Variants in CDKN2B-AS1 observed in about 807,000 individuals in gnomAD.
CDKN2B-AS1 encodes the protein CDKN2B antisense RNA 1 (non-protein coding).
chr9:22,045,091 G>A (rs1264183834), intron 1 of CDKN2B-AS1, among the ~76,000 whole-genome samples: 1 of 139,330 alleles, frequency 7.2e-6, no homozygotes, highest in Admixed American at 7.0e-5. Flanking sequence ...CTTTTAATAT[G>A]TGGTCTCCCT....
intron 3 of CDKN2B-AS1, among the ~76,000 whole-genome samples, chr9:22,050,441 G>C (rs1823298118): frequency 6.6e-6 from 1 of 152,202 alleles, no homozygotes; most frequent in Admixed American, 6.5e-5. Context: ...CAGCTGAAAG[G>C]TAACCAAAGG....
intron 4 of CDKN2B-AS1, among the ~76,000 whole-genome samples, chr9:22,098,108 C>T (rs1182982169): frequency 6.6e-6 from 1 of 151,846 alleles, no homozygotes; most frequent in African/African-American, 2.4e-5. Flanking sequence ...CACCAGCACT[C>T]AGAACAGAAT....
At chr9:22,096,534 A>G (rs993114934) in intron 4 of CDKN2B-AS1, 1 of 152,232 alleles carries the variant, frequency 6.6e-6, no homozygotes, top group Non-Finnish European at 1.5e-5. Flanking sequence ...TGACTTTTCT[A>G]CAACTTAAAT....
chr9:22,011,093 G>A (rs1263704027), intron 1 of CDKN2B-AS1, among the ~76,000 whole-genome samples: 1 of 152,090 alleles, frequency 6.6e-6, no homozygotes, highest in Non-Finnish European at 1.5e-5. Context: ...GGGGGCATTC[G>A]CGCTTACTAG....
intron 4 of CDKN2B-AS1, among the ~76,000 whole-genome samples, chr9:22,086,548 A>T (rs1234856249): frequency 6.6e-6 from 1 of 152,230 alleles, no homozygotes; most frequent in Non-Finnish European, 1.5e-5. Context: ...AGAGTTCAAT[A>T]ATATTCTTTT....
chr9:22,061,624 A>T (rs1184699037), intron 4 of CDKN2B-AS1, among the ~76,000 whole-genome samples: 3 of 152,186 alleles, frequency 2.0e-5, no homozygotes, highest in Non-Finnish European at 4.4e-5. Flanking sequence ...TATGTTTAAA[A>T]GAGTAATCTA....
intron 4 of CDKN2B-AS1, among the ~76,000 whole-genome samples, chr9:22,126,606 C>G (rs1372976301): frequency 9.0e-6 from 1 of 111,626 alleles, no homozygotes; most frequent in African/African-American, 4.0e-5. Context: ...GAGACGGAGT[C>G]TCGCTCGCCC....
chr9:22,098,574 C>G (rs1320172801), intron 4 of CDKN2B-AS1, among the ~76,000 whole-genome samples: 1 of 152,148 alleles, frequency 6.6e-6, no homozygotes, highest in African/African-American at 2.4e-5. Flanking sequence ...CATTCTATAG[C>G]ACAGGATGTT....
At chr9:22,023,687 G>A (rs1474021117) in intron 1 of CDKN2B-AS1, among the ~76,000 whole-genome samples, 6 of 152,176 alleles carry the variant, frequency 3.9e-5, no homozygotes, top group African/African-American at 1.4e-4. Flanking sequence ...AGGTTGCAGT[G>A]AGCTGAGATC....
intron 4 of CDKN2B-AS1, among the ~76,000 whole-genome samples, chr9:22,105,017 C>CA (rs1297120837): frequency 1.3e-5 from 2 of 152,062 alleles, no homozygotes; most frequent in Non-Finnish European, 2.9e-5. Flanking sequence ...AAGGAGTCAA[C>CA]AAAAAAATAC....
At chr9:22,121,345 A>C (rs1251245607) in intron 4 of CDKN2B-AS1, among the ~76,000 whole-genome samples, 4 of 141,162 alleles carry the variant, frequency 2.8e-5, no homozygotes, top group African/African-American at 7.8e-5. Context: ...TGCTTTGCTC[A>C]AAGTAATTTT....
At chr9:22,056,669 A>G (rs1424131984) in intron 4 of CDKN2B-AS1, among the ~76,000 whole-genome samples, 1 of 152,126 alleles carries the variant, frequency 6.6e-6, no homozygotes, top group East Asian at 1.9e-4. Context: ...CCTGAATGCT[A>G]CATGTTAAGT....
At chr9:22,119,408 A>G (rs1826041735) in intron 4 of CDKN2B-AS1, 1 of 152,124 alleles carries the variant, frequency 6.6e-6, no homozygotes, top group Non-Finnish European at 1.5e-5. Flanking sequence ...TTAGCAATGT[A>G]TATTATGCTG....
intron 1 of CDKN2B-AS1, among the ~76,000 whole-genome samples, chr9:22,028,969 T>A (rs1046388969): frequency 6.6e-6 from 1 of 152,132 alleles, no homozygotes; most frequent in Non-Finnish European, 1.5e-5. Context: ...TCCATATTTT[T>A]GAAAATGAAC....
rs72654301 is a variant in CDKN2B-AS1 at position 22,123,553 on chromosome 9, C to T, written n.439-3550C>T. ...TGAGGGATGGAACTGAGGGAGGTCTCGAGGGGTAAGAGAGGCCAAAGAGCT... is the reference window on the plus strand; with the variant it reads ...TGAGGGATGGAACTGAGGGAGGTCTTGAGGGGTAAGAGAGGCCAAAGAGCT... On this transcript the variant is annotated intron_variant and non_coding_transcript_variant, in intron 4 of 4. Coordinates refer to ENST00000650946, the Ensembl canonical transcript of CDKN2B-AS1. Among the ~76,000 whole-genome samples the T allele has an allele frequency of 8.4e-4, 127 of 151,832 alleles. 1 individual carries two copies. The highest frequency in any genetic ancestry group is 2.3e-3 in the African/African-American group (97 of 41,382).
At chr9:22,098,598 C>A (rs1326033347) in intron 4 of CDKN2B-AS1, among the ~76,000 whole-genome samples, 4 of 152,170 alleles carry the variant, frequency 2.6e-5, no homozygotes, top group African/African-American at 7.2e-5. Flanking sequence ...GTCACTCTAA[C>A]AAAAGATGTC....
At chr9:22,115,962 C>T (rs1042205368) in intron 4 of CDKN2B-AS1, among the ~76,000 whole-genome samples, 4 of 152,112 alleles carry the variant, frequency 2.6e-5, no homozygotes, top group African/African-American at 9.7e-5. Flanking sequence ...ATCCCTTCAG[C>T]TAAGCATGAT....
At chr9:22,080,918 G>A (rs1349759122) in intron 4 of CDKN2B-AS1, among the ~76,000 whole-genome samples, 1 of 152,104 alleles carries the variant, frequency 6.6e-6, no homozygotes, top group African/African-American at 2.4e-5. Flanking sequence ...GAAATATTTT[G>A]TGTTTTTTTG....
chr9:22,120,361 T>C (rs1464526779), intron 4 of CDKN2B-AS1: 1 of 152,242 alleles, frequency 6.6e-6, no homozygotes, highest in East Asian at 1.9e-4. Flanking sequence ...TAAATGAGGC[T>C]GAGAGCATGG....
Sources: gnomAD v4.1 joint callset for allele counts (sites outside exome capture counted in the v4.1 genomes callset) on GRCh38, gnomAD v4.1.1 for gene constraint, MANE v1.5 for transcripts, NCBI Gene and HGNC (gene_info 2026-07-23, HGNC 2026-07-21) for gene names.